HTR4: variants seen among roughly 807,000 people sequenced by gnomAD.
HTR4 encodes 5-hydroxytryptamine (serotonin) receptor 4, G protein-coupled.
In HTR4, 16 loss-of-function variants were observed where a neutral mutation model predicts 36.8. The observed-to-expected ratio is 0.43, with a 90% CI of 0.29 to 0.66. The LOEUF is 0.66. HTR4 is among the 30% of genes least tolerant of loss of function. The pLI is 0.13. For missense variants in HTR4, 438 were observed against 490.9 expected (o/e 0.89, Z 1.02); for synonymous variants, 189 against 185.1 (o/e 1.02, Z -0.17).
chr5:148,452,403 T>C (rs1477763803), intron 5 of HTR4, among the ~76,000 whole-genome samples: 7 of 152,164 alleles, frequency 4.6e-5, no homozygotes, highest in Non-Finnish European at 7.3e-5. Context: ...TCTAGAAAAG[T>C]GGTTCTCAGC....
chr5:148,529,701 G>A (rs531074567), intron 4 of HTR4, among the ~76,000 whole-genome samples: 9 of 152,364 alleles, frequency 5.9e-5, no homozygotes, highest in South Asian at 2.1e-4. Flanking sequence ...CTTTGGAACT[G>A]AGTAACAGGC....
At position 148,509,709 on chromosome 5, in the gene HTR4, A is replaced by G; in HGVS notation, c.823T>C (p.Phe275Leu). 2 of 1,614,106 alleles carry G rather than the reference A, an allele frequency of 1.2e-6. No homozygotes were observed. The highest frequency in any genetic ancestry group is 1.7e-6 in the Non-Finnish European group (2 of 1,179,994). ...MGCFCLCWAP[F>L]FVTNIVDPFI... ...GGATCCACAATATTGGTGACAAAGA[A>G]TGGTGCCCAGCAGAGGCAGAAGCAA... The change falls in exon 6 of 7, where the codon TTC becomes CTC. Residue 275 changes from phenylalanine to leucine, a missense_variant. Phe to Leu is a conservative substitution (Grantham distance 22, BLOSUM62 0). Coordinates refer to ENST00000377888, the MANE Select transcript of HTR4 (RefSeq NM_000870.7).
At position 148,493,488 on chromosome 5, in the gene HTR4, C is replaced by T. The variant is rs181865129; in HGVS notation, c.1077-10195G>A. ...AGTTAAATGCTCTTTTATTTACATT[C>T]GAAGTTGGCATTGCACAATGTAAAA... On this transcript the variant is annotated intron_variant, in intron 6 of 6. Transcript: ENST00000377888. Among the ~76,000 whole-genome samples the T allele has an allele frequency of 6.6e-5, 10 of 152,086 alleles. No individual in the cohort carries two copies. In the East Asian group the frequency reaches 1.4e-3, roughly 21 times the overall value.
At chr5:148,565,572 C>G (rs375429818) in intron 2 of HTR4, among the ~76,000 whole-genome samples, 22 of 135,212 alleles carry the variant, frequency 1.6e-4, no homozygotes, top group African/African-American at 5.4e-4. Flanking sequence ...ATAAGAGAAG[C>G]AGGGAGTATC....
intron 1 of HTR4, among the ~76,000 whole-genome samples, chr5:148,641,350 C>A (rs549576164): frequency 6.6e-6 from 1 of 152,114 alleles, no homozygotes; most frequent in Non-Finnish European, 1.5e-5. Context: ...ATGACAGTCA[C>A]GCTGTACTCT....
intron 2 of HTR4, among the ~76,000 whole-genome samples, chr5:148,572,812 C>T (rs1024844790): frequency 1.3e-5 from 2 of 152,070 alleles, no homozygotes; most frequent in Admixed American, 1.3e-4. Context: ...TTTTCACTGT[C>T]CCTCACCCTC....
At chr5:148,506,023 C>T (rs1410040540) in intron 6 of HTR4, among the ~76,000 whole-genome samples, 1 of 152,174 alleles carries the variant, frequency 6.6e-6, no homozygotes, top group Non-Finnish European at 1.5e-5. Flanking sequence ...GAAAAAACTA[C>T]TTTAAAATTC....
chr5:148,635,340 T>C (rs1459285914), intron 2 of HTR4, among the ~76,000 whole-genome samples: 3 of 152,106 alleles, frequency 2.0e-5, no homozygotes, highest in Non-Finnish European at 4.4e-5. Flanking sequence ...CTGTGGCATT[T>C]GCCTGTTATT....
At chr5:148,518,661 C>T (rs1236666631) in intron 5 of HTR4, among the ~76,000 whole-genome samples, 1 of 152,210 alleles carries the variant, frequency 6.6e-6, no homozygotes, top group Non-Finnish European at 1.5e-5. Flanking sequence ...CACAGTCTGA[C>T]TCCAGGCTAC....
chr5:148,600,624 C>T (rs570872602), intron 2 of HTR4, among the ~76,000 whole-genome samples: 1 of 151,654 alleles, frequency 6.6e-6, no homozygotes, highest in Non-Finnish European at 1.5e-5. Flanking sequence ...ATCCCATTTA[C>T]AATAATTTCA....
At chr5:148,497,685 AAC>A (rs1342216127) in intron 6 of HTR4, among the ~76,000 whole-genome samples, 1 of 152,200 alleles carries the variant, frequency 6.6e-6, no homozygotes, top group Non-Finnish European at 1.5e-5. Context: ...GGGTGGGGAA[AAC>A]ACAGCTGCAG....
chr5:148,633,803 G>A (rs1377660280), intron 2 of HTR4, among the ~76,000 whole-genome samples: 3 of 151,984 alleles, frequency 2.0e-5, no homozygotes, highest in African/African-American at 7.3e-5. Flanking sequence ...TTCTTCCTGT[G>A]GTTGGCCATG....
At chr5:148,644,439 T>G (rs1382216724) in intron 1 of HTR4, among the ~76,000 whole-genome samples, 4 of 142,884 alleles carry the variant, frequency 2.8e-5, no homozygotes, top group South Asian at 2.4e-4. Context: ...TTTTTTTTTT[T>G]TTTTTTTTTT....
rs190986618 is a variant in HTR4 at position 148,580,650 on chromosome 5, G to A, written c.27-30388C>T. ...TGTCTTTCCGTGACCGACTTATGTC[G>A]CTTAACATAATGTCTTCCAGGTTTA... On this transcript the variant is annotated intron_variant, in intron 2 of 6. Transcript: ENST00000377888. Among the ~76,000 whole-genome samples the A allele has an allele frequency of 3.1e-4, 47 of 152,120 alleles. No homozygotes were observed. In the East Asian group the frequency reaches 5.0e-3, roughly 16 times the overall value.
chr5:148,527,786 A>G (rs781481097), intron 4 of HTR4, among the ~76,000 whole-genome samples: 1 of 152,166 alleles, frequency 6.6e-6, no homozygotes, highest in East Asian at 1.9e-4. Flanking sequence ...GCTAATTTTT[A>G]TATTTTTAGC....
At chr5:148,617,329 G>C (rs1245064431) in intron 2 of HTR4, among the ~76,000 whole-genome samples, 1 of 152,174 alleles carries the variant, frequency 6.6e-6, no homozygotes, top group African/African-American at 2.4e-5. Flanking sequence ...CTAGTGCCTT[G>C]CTTGTACAGA....
At chr5:148,480,563 G>C (rs1440187910), downstream of HTR4, among the ~76,000 whole-genome samples, 1 of 152,174 alleles carries the variant, frequency 6.6e-6, no homozygotes, top group East Asian at 1.9e-4. Context: ...AGCTTTAGTA[G>C]AGATCAAATT....
rs200933667 is a variant in HTR4 at position 148,637,020 on chromosome 5, G to T, written c.-6C>A. The T allele has an allele frequency of 8.9e-5, 143 of 1,610,524 alleles. No individual in the cohort carries two copies. In the Middle Eastern group the frequency reaches 1.7e-3, roughly 19 times the overall value. ...TTAGCATCAAGTTTGTCCATTACAGGAAATAAGCATGAGTGAGTTGGATTT... is the reference window on the plus strand; with the variant it reads ...TTAGCATCAAGTTTGTCCATTACAGTAAATAAGCATGAGTGAGTTGGATTT... On this transcript the variant is annotated 5_prime_UTR_variant, in exon 2 of 7. Transcript: ENST00000377888.
chr5:148,541,582 T>A (rs1411566372), intron 4 of HTR4, among the ~76,000 whole-genome samples: 2 of 152,180 alleles, frequency 1.3e-5, no homozygotes, highest in African/African-American at 4.8e-5. Flanking sequence ...ACACATGTTA[T>A]CTGAGTATTG....
Sources: allele counts gnomAD v4.1 joint callset (sites outside exome capture counted in the v4.1 genomes callset), GRCh38; gene constraint gnomAD v4.1.1; transcripts MANE v1.5; gene names NCBI Gene and HGNC (gene_info 2026-07-23, HGNC 2026-07-21).